TF: variants seen among roughly 807,000 people sequenced by gnomAD.
The protein encoded by TF is transferrin.
TF carries 55 observed loss-of-function variants against 82.4 expected under a neutral mutation model. The observed-to-expected ratio is 0.67, with a 90% confidence interval of 0.54 to 0.84. The LOEUF is 0.84. Among genes scored for constraint, TF ranks in the 40% least tolerant of loss-of-function variants. The probability of loss-of-function intolerance (pLI) is 0.00; values close to 1 mark genes in which losing one functional copy is unlikely to be tolerated. For synonymous variants in TF, 332 were observed against 332.6 expected (o/e 1.00, Z 0.02); for missense variants, 737 against 868.4 (o/e 0.85, Z 1.90).
chr3:133,681,605 A>G, the TF span, among the ~76,000 whole-genome samples: 1 of 152,168 alleles, frequency 6.6e-6, no homozygotes, highest in Non-Finnish European at 1.5e-5. Flanking sequence ...GCTCATTGCT[A>G]GCACAACAGT....
Position 133,764,216 on chromosome 3 carries a change from G to A in TF, c.1238G>A (p.Gly413Glu). ...GCTGATGCCATGAGCTTGGATGGAG[G>A]GTTTGTCTACATAGCGGGCAAGTGT... ...GEADAMSLDG[G>E]FVYIAGKCGL... Residue 413 changes from glycine (G) to glutamate (E), a missense_variant, in exon 10 of 17, where the codon GGG becomes GAG. Coordinates refer to ENST00000402696, the MANE Select transcript of TF (RefSeq NM_001063.4). The A allele has an allele frequency of 1.2e-6, 2 of 1,613,920 alleles. No homozygotes were observed. Among genetic ancestry groups the A allele is most frequent in the Non-Finnish European group, 1.7e-6 (2 of 1,179,884 alleles).
intron 8 of TF, among the ~76,000 whole-genome samples, chr3:133,758,524 T>C (rs1450760247): frequency 1.3e-5 from 2 of 152,230 alleles, no homozygotes; most frequent in East Asian, 1.9e-4. Flanking sequence ...GTTTAATGAA[T>C]AGTCATGCTA....
chr3:133,740,827 T>C, the TF span, among the ~76,000 whole-genome samples: 235 of 152,052 alleles, frequency 1.5e-3, 2 homozygotes, highest in African/African-American at 5.3e-3. Context: ...TAAAGTCTGG[T>C]ACATAAAAGT....
rs1361291797 is a variant in TF at position 133,794,952 on chromosome 3, T to A, written c.*16332T>A. 1 of 152,272 alleles carries A rather than the reference T, an allele frequency of 6.6e-6. No homozygotes were observed. Among genetic ancestry groups the A allele is most frequent in the African/African-American group, 2.4e-5 (1 of 41,484 alleles). The allele number at this position is 152,272 out of a possible 1,614,324, so 9.4% of individuals were successfully genotyped here. A position where few individuals can be genotyped will look rare whatever the true frequency, so the allele number is the denominator to read the frequency against. The stretch of plus-strand genomic sequence containing the variant: ...TTTTGCAGCCAGCTTTAGGTCCTTT[T>A]TCCATGATTTGGAATAAAAGAGGCA... On this transcript the variant is annotated 3_prime_UTR_variant, in exon 17 of 17. Transcript: ENST00000402696.
rs971132976 is a variant in TF at position 133,793,072 on chromosome 3, G to A, written c.*14452G>A. On this transcript the variant is annotated 3_prime_UTR_variant, in exon 17 of 17. Coordinates refer to ENST00000402696, the MANE Select transcript of TF (RefSeq NM_001063.4). ...GACATTAATAGCACACTAATGCAAGGGTGAAATTTGGCTTTCTCTCTTGAA... is the reference window on the plus strand; with the variant it reads ...GACATTAATAGCACACTAATGCAAGAGTGAAATTTGGCTTTCTCTCTTGAA... 1 of 152,038 alleles carries A rather than the reference G, an allele frequency of 6.6e-6. No individual in the cohort carries two copies. Among genetic ancestry groups the A allele is most frequent in the African/African-American group, 2.4e-5 (1 of 41,394 alleles). 9.4% of individuals were successfully genotyped at this position (152,038 alleles called of 1,614,324 possible).
intron 16 of TF, chr3:133,778,353 C>A: frequency 4.6e-6 from 2 of 435,914 alleles, no homozygotes; most frequent in South Asian, 2.1e-5. Flanking sequence ...GGTGGAGGAC[C>A]CTGTAGGGCA....
intron 14 of TF, among the ~76,000 whole-genome samples, chr3:133,772,480 G>C (rs1934283584): frequency 1.3e-5 from 2 of 152,174 alleles, no homozygotes; most frequent in South Asian, 2.1e-4. Context: ...TTTATGTAGA[G>C]AGTACATTGG....
chr3:133,670,359 T>C, the TF span, among the ~76,000 whole-genome samples: 5 of 152,238 alleles, frequency 3.3e-5, no homozygotes, highest in Non-Finnish European at 5.9e-5. Flanking sequence ...CGTGAAGTTT[T>C]AAAACTGTTT....
At chr3:133,682,899 TA>T in the TF span, among the ~76,000 whole-genome samples, 2 of 152,074 alleles carry the variant, frequency 1.3e-5, no homozygotes, top group East Asian at 3.9e-4. Flanking sequence ...CCAAGACACA[TA>T]ATTGTCAGAT....
chr3:133,673,771 T>C, the TF span, among the ~76,000 whole-genome samples: 4 of 152,210 alleles, frequency 2.6e-5, no homozygotes, highest in Non-Finnish European at 5.9e-5. Flanking sequence ...GTGTGTTCAT[T>C]TGATGATAAT....
At chr3:133,674,487 C>A in the TF span, among the ~76,000 whole-genome samples, 1 of 152,188 alleles carries the variant, frequency 6.6e-6, no homozygotes, top group Non-Finnish European at 1.5e-5. Context: ...CGAGGAGTGG[C>A]GAGGGCTATC....
chr3:133,684,349 G>A, the TF span, among the ~76,000 whole-genome samples: 9 of 152,172 alleles, frequency 5.9e-5, no homozygotes, highest in Non-Finnish European at 1.2e-4. Flanking sequence ...AAATAACTAA[G>A]ATCAGAGCAG....
the TF span, among the ~76,000 whole-genome samples, chr3:133,690,088 T>C: frequency 6.6e-6 from 1 of 152,060 alleles, no homozygotes; most frequent in African/African-American, 2.4e-5. Flanking sequence ...TTGACTCAAC[T>C]TGATTAAAAG....
the TF span, among the ~76,000 whole-genome samples, chr3:133,676,638 G>A: frequency 6.6e-6 from 1 of 152,234 alleles, no homozygotes; most frequent in Non-Finnish European, 1.5e-5. Flanking sequence ...CCCTGGCTCA[G>A]CACGGCCACG....
At chr3:133,679,942 A>G in the TF span, among the ~76,000 whole-genome samples, 80,355 of 151,932 alleles carry the variant, frequency 0.53, 22,139 homozygotes, top group African/African-American at 0.69. Flanking sequence ...ATGTCCTGCC[A>G]GTGCTTGGTG....
At chr3:133,758,089 C>G in intron 8 of TF, 143 bp downstream of exon 8, 1 of 738,822 alleles carries the variant, frequency 1.4e-6, no homozygotes, top group Non-Finnish European at 2.2e-6. Flanking sequence ...CAGTGTTAGA[C>G]TGATGCTGAA....
the TF span, among the ~76,000 whole-genome samples, chr3:133,682,961 G>C: frequency 6.6e-6 from 1 of 152,208 alleles, no homozygotes; most frequent in Admixed American, 6.5e-5. Flanking sequence ...GAGAAAGGTT[G>C]GGTTACCCAC....
chr3:133,724,417 C>T, the TF span, among the ~76,000 whole-genome samples: 2 of 152,210 alleles, frequency 1.3e-5, no homozygotes, highest in African/African-American at 4.8e-5. Context: ...TGATGATGAG[C>T]ATTTTTTCAT....
the TF span, among the ~76,000 whole-genome samples, chr3:133,686,434 T>C: frequency 6.6e-6 from 1 of 152,138 alleles, no homozygotes; most frequent in Non-Finnish European, 1.5e-5. Flanking sequence ...GGAGAAAATT[T>C]TTGCAATCTA....
Sources: gnomAD v4.1 joint callset for allele counts (sites outside exome capture counted in the v4.1 genomes callset) on GRCh38, gnomAD v4.1.1 for gene constraint, MANE v1.5 for transcripts, NCBI Gene and HGNC (gene_info 2026-07-23, HGNC 2026-07-21) for gene names.